The following KIAA1217 variants were observed in gnomAD, a reference collection of about 807,000 sequenced individuals.
The protein encoded by KIAA1217 is sickle tail protein homolog.
Under a neutral mutation model 163.9 loss-of-function variants are expected in KIAA1217, and 88 were observed. The ratio of observed to expected loss-of-function variants is 0.54; its 90% CI spans 0.45 to 0.64. The LOEUF (loss-of-function observed/expected upper bound fraction) is 0.64, where lower values mean the gene tolerates loss of function less well. Among genes scored for constraint, KIAA1217 ranks in the 30% least tolerant of loss-of-function variants. The pLI, the probability that KIAA1217 is intolerant of heterozygous loss-of-function variation, is 0.00. For synonymous variants in KIAA1217, 903 were observed against 923.1 expected (o/e 0.98, Z 0.39); for missense variants, 2,372 against 2,475.0 (o/e 0.96, Z 0.88).
At chr10:24,342,683 G>A (rs1404755070) in intron 2 of KIAA1217, among the ~76,000 whole-genome samples, 12 of 116,998 alleles carry the variant, frequency 1.0e-4, no homozygotes, top group African/African-American at 3.7e-4. Flanking sequence ...TTTTGAAACA[G>A]AGTCTCACTC....
At chr10:23,963,978 C>T (rs940684958) in intron 1 of KIAA1217, among the ~76,000 whole-genome samples, 10 of 151,364 alleles carry the variant, frequency 6.6e-5, no homozygotes, top group Non-Finnish European at 5.9e-5. Flanking sequence ...ACTGCAACCT[C>T]CGCCACCCAG....
At chr10:23,957,564 A>T (rs569962858) in intron 1 of KIAA1217, among the ~76,000 whole-genome samples, 5 of 152,312 alleles carry the variant, frequency 3.3e-5, no homozygotes, top group African/African-American at 1.2e-4. Context: ...TCTACTAAAA[A>T]TACAAAAATT....
intron 3 of KIAA1217, among the ~76,000 whole-genome samples, chr10:24,411,084 C>T (rs2057730991): frequency 6.6e-6 from 1 of 152,192 alleles, no homozygotes; most frequent in Non-Finnish European, 1.5e-5. Flanking sequence ...TCAGAATGTA[C>T]TGTGCATGTC....
At chr10:24,191,120 C>T (rs2066697353) in intron 2 of KIAA1217, among the ~76,000 whole-genome samples, 1 of 151,988 alleles carries the variant, frequency 6.6e-6, no homozygotes, top group Non-Finnish European at 1.5e-5. Context: ...GTTGTGGCTG[C>T]AGTGAACTGA....
chr10:24,309,120 CAAAAAA>C (rs71397942), intron 2 of KIAA1217, among the ~76,000 whole-genome samples: 1 of 70,902 alleles, frequency 1.4e-5, no homozygotes, highest in Non-Finnish European at 2.6e-5. Context: ...AAGACTCTGT[CAAAAAA>C]AAAAAAAAAA....
chr10:23,926,875 G>A (rs550209416), intron 1 of KIAA1217, among the ~76,000 whole-genome samples: 3 of 151,924 alleles, frequency 2.0e-5, no homozygotes, highest in African/African-American at 7.2e-5. Flanking sequence ...AGTTATTTGA[G>A]ACAGCAGTCT....
chr10:24,032,078 T>C (rs199701085), intron 2 of KIAA1217, among the ~76,000 whole-genome samples: 1 of 94,422 alleles, frequency 1.1e-5, no homozygotes, highest in South Asian at 3.6e-4. Context: ...AATAACCTCT[T>C]CTTTTTTAAT....
At chr10:24,041,907 C>A (rs1174846031) in intron 2 of KIAA1217, among the ~76,000 whole-genome samples, 3 of 151,840 alleles carry the variant, frequency 2.0e-5, no homozygotes, top group African/African-American at 7.3e-5. Flanking sequence ...CCCTTCTAGG[C>A]TGTCTGGTGT....
At chr10:23,995,554 C>T (rs1226930156) in intron 1 of KIAA1217, among the ~76,000 whole-genome samples, 4 of 151,586 alleles carry the variant, frequency 2.6e-5, no homozygotes, top group Non-Finnish European at 5.9e-5. Context: ...GAGCATTTTT[C>T]CTTCCTACTT....
At chr10:24,110,852 A>G (rs1020548776) in intron 2 of KIAA1217, among the ~76,000 whole-genome samples, 1 of 152,262 alleles carries the variant, frequency 6.6e-6, no homozygotes, top group African/African-American at 2.4e-5. Flanking sequence ...TAGTTTCCTC[A>G]AAGTGCATAT....
intron 2 of KIAA1217, among the ~76,000 whole-genome samples, chr10:24,313,964 C>T (rs992886790): frequency 3.3e-5 from 5 of 151,578 alleles, no homozygotes; most frequent in Non-Finnish European, 5.9e-5. Flanking sequence ...CTCAGCCTCC[C>T]GAGTAGCTGG....
chr10:24,524,341 C>T lies in KIAA1217; in HGVS notation c.2475C>T (p.Leu825=). The change falls in exon 13 of 21, where the codon CTC becomes CTT. Residue 825 remains leucine (L), a synonymous_variant. Transcript: ENST00000376454. ...TMLRRHVTDG[L]LKGTDAAQAA... is the part of the protein sequence containing the mutation. ...CTCCTAGACATGTCACTGATGGGCT[C>T]CTGAAAGGCACGGACGCAGCCCAAG... The T allele has an allele frequency of 1.2e-6, 2 of 1,610,538 alleles. No homozygotes were observed. The highest frequency in any genetic ancestry group is 1.7e-4 in the Middle Eastern group (1 of 6,050).
Position 23,790,269 on chromosome 10 carries a change from G to A in KIAA1217, c.-321+95035G>A, listed in dbSNP as rs376318121. ...CATATGCATATGCACATATGCATATGCACATATGCATATGCACATATGCAT... is the reference window on the plus strand; with the variant it reads ...CATATGCATATGCACATATGCATATACACATATGCATATGCACATATGCAT... On this transcript the variant is annotated intron_variant, in intron 1 of 18. Coordinates refer to the KIAA1217 transcript ENST00000376462. 9.9e-3 allele frequency among the ~76,000 whole-genome samples: 379 copies of A among 38,196 alleles called. 175 individuals carry two copies. The highest frequency in any genetic ancestry group is 0.013 in the Non-Finnish European group (270 of 20,748). The allele number at this position is 38,196 out of a possible 152,430, so 25.1% of individuals were successfully genotyped here.
chr10:24,197,015 C>A (rs1392822802), intron 2 of KIAA1217, among the ~76,000 whole-genome samples: 1 of 152,212 alleles, frequency 6.6e-6, no homozygotes, highest in East Asian at 1.9e-4. Flanking sequence ...CACTTCACAT[C>A]CTTCACTACG....
intron 1 of KIAA1217, among the ~76,000 whole-genome samples, chr10:23,793,039 G>A (rs1013898748): frequency 6.1e-5 from 5 of 82,142 alleles, no homozygotes; most frequent in African/African-American, 2.5e-4. Flanking sequence ...CCTCTCATGT[G>A]GGAGAAGGGA....
intron 2 of KIAA1217, among the ~76,000 whole-genome samples, chr10:24,111,034 G>A (rs377679936): frequency 4.6e-5 from 7 of 152,050 alleles, no homozygotes; most frequent in Non-Finnish European, 7.4e-5. Context: ...ATTAATGTAC[G>A]CCAAGAATGA....
chr10:24,501,397 G>C lies in KIAA1217; in HGVS notation c.1853G>C (p.Gly618Ala). The change falls in exon 9 of 21, where the codon GGT (glycine) becomes GCT (alanine). Residue 618 changes from glycine (G) to alanine (A), a missense_variant. Coordinates refer to ENST00000376454, the MANE Select transcript of KIAA1217 (RefSeq NM_019590.5). ...TDSAGTPHVSGGKMLSALEST... is the reference protein window; with the variant it reads ...TDSAGTPHVSAGKMLSALEST... Reference sequence around the variant, plus strand: ...CTCATAGGAACGCCCCATGTGTCTGGTGGGAAGATGCTCAGTGCTCTGGAG... The same window carrying C: ...CTCATAGGAACGCCCCATGTGTCTGCTGGGAAGATGCTCAGTGCTCTGGAG... The C allele has an allele frequency of 6.2e-7, 1 of 1,610,840 alleles. No individual in the cohort carries two copies. Among genetic ancestry groups the C allele is most frequent in the Non-Finnish European group, 8.5e-7 (1 of 1,177,474 alleles).
chr10:23,920,023 G>A (rs1294942223), intron 1 of KIAA1217, among the ~76,000 whole-genome samples: 1 of 152,150 alleles, frequency 6.6e-6, no homozygotes, highest in Non-Finnish European at 1.5e-5. Context: ...GAAGATTCCA[G>A]AATGGGTGAC....
chr10:24,401,184 A>AATATATAT (rs113096628), intron 3 of KIAA1217, among the ~76,000 whole-genome samples: 2 of 147,298 alleles, frequency 1.4e-5, no homozygotes, highest in African/African-American at 5.0e-5. Context: ...ACCATCAACC[A>AATATATAT]ATATATATAT....
Sources: gnomAD v4.1 joint callset for allele counts (sites outside exome capture counted in the v4.1 genomes callset) on GRCh38, gnomAD v4.1.1 for gene constraint, MANE v1.5 for transcripts, NCBI Gene and HGNC (gene_info 2026-07-23, HGNC 2026-07-21) for gene names.